The following WDR72 variants were observed in gnomAD, a reference collection of about 807,000 sequenced individuals.
WDR72 encodes the protein WD repeat domain 72, also known as WD repeat-containing protein 72.
WDR72 carries 120 observed loss-of-function variants against 124.2 expected under a neutral mutation model. The ratio of observed to expected loss-of-function variants is 0.97; its 90% CI spans 0.83 to 1.12. The LOEUF is 1.12. Ranked by LOEUF, WDR72 falls within the 50% of genes most tolerant of loss-of-function variation. The pLI is 0.00. For synonymous variants in WDR72, 452 were observed against 441.7 expected (o/e 1.02, Z -0.29); for missense variants, 1,387 against 1,278.8 (o/e 1.08, Z -1.29).
At chr15:53,651,748 G>T (rs894090322) in intron 14 of WDR72, among the ~76,000 whole-genome samples, 1 of 152,146 alleles carries the variant, frequency 6.6e-6, no homozygotes, top group Admixed American at 6.6e-5. Flanking sequence ...TGCCTCCCAG[G>T]TTCAAGCAAT....
In WDR72 at chr15:53,691,612, CAGACAGACAGATAGATAGAT is replaced by C. The variant is rs1158993934; in HGVS notation, c.1765+8118_1765+8137del. 3.3e-4 allele frequency among the ~76,000 whole-genome samples: 14 copies of C among 42,056 alleles called. No homozygotes were observed. The East Asian group carries it at 6.0e-3, about 18-fold the overall frequency. 27.6% of individuals were successfully genotyped at this position (42,056 alleles called of 152,430 possible). On this transcript the variant is annotated intron_variant, in intron 13 of 19. Transcript: ENST00000360509. ...ACATGTAAAATGATAGACAGACAGA[CAGACAGACAGATAGATAGAT>C]AGATAGATAGATAGATAGATAGATA...
chr15:53,577,985 G>T (rs556240955), intron 18 of WDR72, among the ~76,000 whole-genome samples: 1 of 152,202 alleles, frequency 6.6e-6, no homozygotes, highest in East Asian at 1.9e-4. Flanking sequence ...ATAGATTTCA[G>T]TGGGTATCTG....
At chr15:53,675,348 A>G (rs1030993228) in intron 13 of WDR72, among the ~76,000 whole-genome samples, 1 of 152,054 alleles carries the variant, frequency 6.6e-6, no homozygotes, top group Non-Finnish European at 1.5e-5. Flanking sequence ...TCTCAAAAAA[A>G]AAAAAAAAAA....
intron 18 of WDR72, among the ~76,000 whole-genome samples, chr15:53,545,648 A>C (rs55672801): frequency 0.2 from 27,102 of 137,438 alleles, 2,811 homozygotes; most frequent in African/African-American, 0.23. Flanking sequence ...GCAACAAAAG[A>C]CAAAATTGAC....
intron 13 of WDR72, among the ~76,000 whole-genome samples, chr15:53,680,740 G>A (rs749299172): frequency 6.6e-6 from 1 of 152,132 alleles, no homozygotes; most frequent in Non-Finnish European, 1.5e-5. Context: ...CTGTAAGATG[G>A]CATCATGTGC....
At chr15:53,686,138 C>A (rs143557914) in intron 13 of WDR72, among the ~76,000 whole-genome samples, 272 of 140,866 alleles carry the variant, frequency 1.9e-3, no homozygotes, top group East Asian at 5.2e-3. Flanking sequence ...GAGACGAGGA[C>A]GAAACTGCAT....
chr15:53,555,285 C>T (rs1893887174), intron 18 of WDR72, among the ~76,000 whole-genome samples: 1 of 151,466 alleles, frequency 6.6e-6, no homozygotes, highest in African/African-American at 2.4e-5. Context: ...AGTGCACGTG[C>T]ACTTCACGGA....
chr15:53,648,572 A>G (rs745382550), intron 14 of WDR72, among the ~76,000 whole-genome samples: 6 of 152,132 alleles, frequency 3.9e-5, no homozygotes, highest in Non-Finnish European at 7.4e-5. Context: ...AGACCAAAGG[A>G]CAAATTTTTT....
chr15:53,517,324 T>C lies in WDR72; in HGVS notation c.*375A>G, dbSNP rs1891519400. ...AAGTAAGTATTGTGTACTACATTGGTTTTAACATTGTTTATTATATAATTC... is the reference window on the plus strand; with the variant it reads ...AAGTAAGTATTGTGTACTACATTGGCTTTAACATTGTTTATTATATAATTC... On this transcript the variant is annotated 3_prime_UTR_variant, in exon 20 of 20. Transcript: ENST00000360509. 7.6e-6 allele frequency: 2 copies of C among 263,460 alleles called. No homozygotes were observed. Among genetic ancestry groups the C allele is most frequent in the Non-Finnish European group, 1.5e-5 (2 of 134,434 alleles). The allele number at this position is 263,460 out of a possible 1,614,324, so 16.3% of individuals were successfully genotyped here.
intron 14 of WDR72, among the ~76,000 whole-genome samples, chr15:53,631,216 G>A (rs931914829): frequency 1.4e-4 from 22 of 152,036 alleles, no homozygotes; most frequent in African/African-American, 4.6e-4. Context: ...AGATCTGGTC[G>A]TATAAAAAGT....
intron 1 of WDR72, among the ~76,000 whole-genome samples, chr15:53,746,351 A>G (rs941456889): frequency 1.3e-5 from 2 of 152,156 alleles, no homozygotes; most frequent in Non-Finnish European, 2.9e-5. Flanking sequence ...CCAGACACTG[A>G]GTCTGCTTTA....
intron 3 of WDR72, among the ~76,000 whole-genome samples, chr15:53,721,555 T>G (rs1447900486): frequency 3.9e-5 from 6 of 152,118 alleles, no homozygotes; most frequent in African/African-American, 1.2e-4. Context: ...CAAAGTTCAA[T>G]CCCTCTAAAT....
At chr15:53,752,011 C>G (rs2018787339) in intron 1 of WDR72, among the ~76,000 whole-genome samples, 1 of 152,092 alleles carries the variant, frequency 6.6e-6, no homozygotes, top group Non-Finnish European at 1.5e-5. Flanking sequence ...ATCTCAAAAT[C>G]TGTACATAAA....
chr15:53,517,565 C>T lies in WDR72; in HGVS notation c.*134G>A, dbSNP rs1891531330. 6.8e-6 allele frequency: 6 copies of T among 885,708 alleles called. No homozygotes were observed. The highest frequency in any genetic ancestry group is 1.1e-5 in the Non-Finnish European group (6 of 532,522). 54.9% of individuals were successfully genotyped at this position (885,708 alleles called of 1,614,324 possible). A position where few individuals can be genotyped will look rare whatever the true frequency, so the allele number is the denominator to read the frequency against. ...TTAAAATCACTTTAATACATGTTGG[C>T]TAAAGTATTAGCAAATCCACTACAG... On this transcript the variant is annotated 3_prime_UTR_variant, in exon 20 of 20. Transcript: ENST00000360509.
At chr15:53,652,642 G>A (rs1025986468) in intron 14 of WDR72, among the ~76,000 whole-genome samples, 3 of 152,164 alleles carry the variant, frequency 2.0e-5, no homozygotes, top group Non-Finnish European at 4.4e-5. Flanking sequence ...CAGGGAAGTA[G>A]AGGCTCCTGA....
chr15:53,696,529 T>C, intron 13 of WDR72, among the ~76,000 whole-genome samples: 1 of 152,214 alleles, frequency 6.6e-6, no homozygotes. Context: ...GCCAGGCACA[T>C]CCATGAGCAA....
chr15:53,651,078 C>T (rs2015222553), intron 14 of WDR72, among the ~76,000 whole-genome samples: 1 of 152,054 alleles, frequency 6.6e-6, no homozygotes, highest in African/African-American at 2.4e-5. Flanking sequence ...TCAATATTGA[C>T]TCTTAATGCT....
In WDR72 at chr15:53,738,563, T is replaced by C. The variant is rs141880512; in HGVS notation, c.-12-5402A>G. ...AGTGAAATAATTTTTAGAGAAAATA[T>C]AGATCACAAGCCTTTTTTTTGTTTT... On this transcript the variant is annotated intron_variant, in intron 1 of 19. Transcript: ENST00000360509. 9.8e-3 allele frequency among the ~76,000 whole-genome samples: 1,487 copies of C among 151,924 alleles called. 15 individuals are homozygous for C. The highest frequency in any genetic ancestry group is 0.062 in the South Asian group (301 of 4,826).
At chr15:53,736,231 C>T (rs1275620755) in intron 1 of WDR72, among the ~76,000 whole-genome samples, 2 of 152,108 alleles carry the variant, frequency 1.3e-5, no homozygotes, top group Non-Finnish European at 2.9e-5. Flanking sequence ...ATTAATAGAA[C>T]AGAGCAAGAG....
Sources: gnomAD v4.1 joint callset for allele counts (sites outside exome capture counted in the v4.1 genomes callset) on GRCh38, gnomAD v4.1.1 for gene constraint, MANE v1.5 for transcripts, NCBI Gene and HGNC (gene_info 2026-07-23, HGNC 2026-07-21) for gene names.